Variants in ATAD3B observed in about 807,000 individuals in gnomAD.
ATAD3B encodes the protein ATPase family AAA domain containing 3B.
In ATAD3B, 59 loss-of-function variants were observed where a neutral mutation model predicts 70.2. The ratio of observed to expected loss-of-function variants is 0.84; its 90% CI spans 0.68 to 1.04. ATAD3B has a LOEUF of 1.04. ATAD3B is among the 50% of genes least tolerant of loss of function. The pLI is 0.00. For synonymous variants in ATAD3B, 423 were observed against 388.6 expected, an observed-to-expected ratio of 1.09 and a Z score of -1.04; for missense variants, 961 against 913.4, an observed-to-expected ratio of 1.05 and a Z score of -0.67.
At chr1:1,475,394 C>T (rs148670635) in intron 1 of ATAD3B, among the ~76,000 whole-genome samples, 4 of 151,674 alleles carry the variant, frequency 2.6e-5, no homozygotes. Flanking sequence ...CTGGTAGCCC[C>T]TCTGCAAGCC....
downstream of ATAD3B, among the ~76,000 whole-genome samples, chr1:1,501,400 G>A (rs1470808569): frequency 2.6e-5 from 4 of 151,888 alleles, no homozygotes; most frequent in South Asian, 2.1e-4. Context: ...GACTACAGGC[G>A]CCTGCCACCA....
downstream of ATAD3B, chr1:1,497,857 TA>T (rs74412160): frequency 8.2e-3 from 936 of 113,502 alleles, 3 homozygotes; most frequent in African/African-American, 0.014. Context: ...CAGAACTGTT[TA>T]AAAAAAAAAA....
chr1:1,480,125 G>A lies in ATAD3B; in HGVS notation c.445-742G>A, dbSNP rs1174043522. 3.4e-4 allele frequency among the ~76,000 whole-genome samples: 49 copies of A among 143,220 alleles called. 3 individuals carry two copies. The highest frequency in any genetic ancestry group is 1.3e-4 in the African/African-American group (5 of 37,432). The allele number at this position is 143,220 out of a possible 152,430, so 94.0% of individuals were successfully genotyped here. ...CAAACACACACACGGGCACGTGTAC[G>A]CACCCCCACTCACAGTGTGCCTCAT... On this transcript the variant is annotated intron_variant, in intron 4 of 15. Coordinates refer to ENST00000673477, the MANE Select transcript of ATAD3B (RefSeq NM_031921.6).
chr1:1,486,509 C>T lies in ATAD3B; in HGVS notation c.1090-35C>T, dbSNP rs780971076. ...GCAGGCTTTGCAGAGGCAGAGGGAA[C>T]ATCTGTTCTGTCTCCCCTCACTCTT... On this transcript the variant is annotated intron_variant, in intron 10 of 15. Transcript: ENST00000673477. 1.9e-6 allele frequency: 3 copies of T among 1,611,984 alleles called. No individual in the cohort carries two copies. In the South Asian group the frequency reaches 3.3e-5, roughly 18 times the overall value.
intron 7 of ATAD3B, chr1:1,484,801 G>A: frequency 4.6e-6 from 6 of 1,294,662 alleles, no homozygotes; most frequent in Non-Finnish European, 6.2e-6. Context: ...CAGAGAAAAT[G>A]GCCCTGAGTG....
rs1444918624 is a variant in ATAD3B at position 1,496,251 on chromosome 1, C to A, written c.*434C>A. 1.0e-6 allele frequency: 1 copy of A among 995,372 alleles called. No homozygotes were observed. Among genetic ancestry groups the A allele is most frequent in the East Asian group, 1.1e-4 (1 of 9,264 alleles). 61.7% of individuals were successfully genotyped at this position (995,372 alleles called of 1,614,324 possible). On this transcript the variant is annotated 3_prime_UTR_variant, in exon 16 of 16. Coordinates refer to ENST00000673477, the MANE Select transcript of ATAD3B (RefSeq NM_031921.6). ...ACACTGCTCGGGGTTTCAGGGGCGC[C>A]CTAGCGTCCTCCTGGGGTCAAAGGT...
the ATAD3B span, among the ~76,000 whole-genome samples, chr1:1,504,656 CAA>C: frequency 2.3e-5 from 3 of 131,542 alleles, no homozygotes; most frequent in South Asian, 4.8e-4. Flanking sequence ...GTCTCAAAAA[CAA>C]AAAAAAAAAG....
At chr1:1,488,041 G>C in intron 12 of ATAD3B, 127 bp downstream of exon 12, 1 of 1,345,470 alleles carries the variant, frequency 7.4e-7, no homozygotes, top group African/African-American at 1.4e-5. Context: ...TGCAACCTCT[G>C]CCTCCTGGGT....
rs1639884493 is a variant in ATAD3B, at chr1:1,480,991, C to T, written c.514+55C>T. On this transcript the variant is annotated intron_variant, in intron 5 of 15. Transcript: ENST00000673477. ...GAGGTGGCGGGGGCTGCTTGTGGAT[C>T]CGGCGTGCACTCTGAGCCTGAGTTC... 17 of 1,575,046 alleles carry T rather than the reference C, an allele frequency of 1.1e-5. 2 individuals are homozygous for T. Among genetic ancestry groups the T allele is most frequent in the Admixed American group, 7.4e-5 (4 of 53,896 alleles).
chr1:1,474,694 G>A (rs1026643577), intron 1 of ATAD3B, among the ~76,000 whole-genome samples: 2 of 151,918 alleles, frequency 1.3e-5, no homozygotes, highest in African/African-American at 4.8e-5. Context: ...TAGAGACGGG[G>A]TTTCACCATG....
At chr1:1,473,537 C>A (rs1639440076) in intron 1 of ATAD3B, among the ~76,000 whole-genome samples, 2 of 148,538 alleles carry the variant, frequency 1.3e-5, no homozygotes, top group Non-Finnish European at 3.0e-5. Context: ...TGCTCTTTGG[C>A]CAGGCTGGAG....
chr1:1,482,087 G>T, intron 5 of ATAD3B, 51 bp from the exon 6 acceptor site: 2 of 1,579,068 alleles, frequency 1.3e-6, no homozygotes. Context: ...GTGGGTGGAG[G>T]TGGACGTGCT....
chr1:1,484,894 C>G lies in ATAD3B; in HGVS notation c.751-122C>G, dbSNP rs1022009783. The G allele has an allele frequency of 2.1e-6, 3 of 1,437,058 alleles. No homozygotes were observed. The African/African-American group carries it at 4.3e-5, about 20-fold the overall frequency. 89.0% of individuals were successfully genotyped at this position (1,437,058 alleles called of 1,614,324 possible). A position where few individuals can be genotyped will look rare whatever the true frequency, so the allele number is the denominator to read the frequency against. On this transcript the variant is annotated intron_variant, in intron 7 of 15. Coordinates refer to ENST00000673477, the MANE Select transcript of ATAD3B (RefSeq NM_031921.6). ...CTGGGAATTCGGGTTCCTGTGGGGC[C>G]AGCACACGGCCCTGTGCTTCTCCCT...
At chr1:1,505,506 T>C in the ATAD3B span, among the ~76,000 whole-genome samples, 2 of 151,900 alleles carry the variant, frequency 1.3e-5, no homozygotes, top group Admixed American at 6.6e-5. Context: ...TTCTCTAAAC[T>C]CCCCCGGGGA....
rs376557599 is a variant in ATAD3B at position 1,490,647 on chromosome 1, C to G, written c.1590C>G (p.Ile530Met). Residue 530 changes from isoleucine (I) to methionine (M), a missense_variant, in exon 15 of 16, where the codon ATC becomes ATG. Around this residue, in one of 4 missense-constraint regions of ATAD3B, gnomAD observed 417 missense variants for 335.0 expected, o/e 1.24. Coordinates refer to ENST00000673477, the MANE Select transcript of ATAD3B (RefSeq NM_031921.6). ...RLTEGMSGRE[I>M]AQLAVSWQAT... The stretch of plus-strand genomic sequence containing the variant: ...CGGAGGGCATGTCGGGCCGGGAGAT[C>G]GCTCAGCTGGCCGTGTCCTGGCAGG... 3.7e-6 allele frequency: 6 copies of G among 1,600,376 alleles called. No individual in the cohort carries two copies. The highest frequency in any genetic ancestry group is 2.7e-5 in the African/African-American group (2 of 74,840).
intron 7 of ATAD3B, 111 bp downstream of exon 7, chr1:1,482,725 C>T: frequency 1.3e-6 from 2 of 1,553,472 alleles, no homozygotes; most frequent in South Asian, 1.1e-5. Context: ...TGTAGCTCTC[C>T]CAGCACAGAG....
intron 1 of ATAD3B, among the ~76,000 whole-genome samples, chr1:1,472,679 A>G (rs1639391411): frequency 6.6e-6 from 1 of 152,046 alleles, no homozygotes; most frequent in Admixed American, 6.6e-5. Flanking sequence ...ACCTTCCCTA[A>G]GCTCGGGTCT....
intron 13 of ATAD3B, chr1:1,490,004 G>A (rs819979): frequency 1.5e-6 from 2 of 1,344,994 alleles, no homozygotes; most frequent in Non-Finnish European, 1.9e-6. Flanking sequence ...GGCTGGGCGA[G>A]GGTCAGCGGG....
intron 11 of ATAD3B, among the ~76,000 whole-genome samples, 199 bp downstream of exon 11, chr1:1,486,867 G>A (rs1343267000): frequency 2.0e-5 from 3 of 150,366 alleles, no homozygotes; most frequent in South Asian, 2.1e-4. Flanking sequence ...GGTCCCCAGC[G>A]TGTGGAGGCT....
Sources: gnomAD v4.1 joint callset for allele counts (sites outside exome capture counted in the v4.1 genomes callset) on GRCh38, gnomAD v4.1.1 for gene constraint, gnomAD v4.1.1 regional missense constraint, MANE v1.5 for transcripts, NCBI Gene and HGNC (gene_info 2026-07-23, HGNC 2026-07-21) for gene names.